Variants in UTP25 observed in about 807,000 individuals in gnomAD.
UTP25 encodes UTP25 small subunit processome component.
Under a neutral mutation model 78.9 loss-of-function variants are expected in UTP25, and 50 were observed. The observed-to-expected ratio is 0.63, with a 90% CI of 0.50 to 0.80. UTP25 has a LOEUF of 0.80. Ranked by LOEUF, UTP25 falls within the 30% of genes least tolerant of loss-of-function variation. The probability of loss-of-function intolerance (pLI) is 0.00; values close to 1 mark genes in which losing one functional copy is unlikely to be tolerated. For synonymous variants in UTP25, 329 were observed against 336.5 expected (o/e 0.98, Z 0.24); for missense variants, 846 against 911.3 (o/e 0.93, Z 0.92).
At chr1:209,828,195 C>G in intron 1 of UTP25, 25 bp downstream of exon 1, 1 of 1,576,826 alleles carries the variant, frequency 6.3e-7, no homozygotes, top group Non-Finnish European at 8.7e-7. Flanking sequence ...GGCAGGGCTC[C>G]CCAGTCGCCA....
intron 2 of UTP25, 131 bp downstream of exon 2, chr1:209,830,278 A>C: frequency 1.2e-6 from 1 of 816,188 alleles, no homozygotes; most frequent in Non-Finnish European, 1.9e-6. Context: ...TGGCAGTATC[A>C]CTTAATTTTA....
At chr1:209,833,885 G>A (rs1193256768) in intron 4 of UTP25, among the ~76,000 whole-genome samples, 1 of 152,096 alleles carries the variant, frequency 6.6e-6, no homozygotes, top group Non-Finnish European at 1.5e-5. Flanking sequence ...TGCCTATGGC[G>A]GGCTTTGATG....
Position 209,854,034 on chromosome 1 carries a change from T to C in UTP25, c.*2587T>C, listed in dbSNP as rs1467075822. On this transcript the variant is annotated 3_prime_UTR_variant, in exon 12 of 12. Transcript: ENST00000491415. ...CAGAGTGGAGTCTCTGCAATGGTTTTATTAAAAGGATGCCTTGAAGATCTG... is the reference window on the plus strand; with the variant it reads ...CAGAGTGGAGTCTCTGCAATGGTTTCATTAAAAGGATGCCTTGAAGATCTG... 2.6e-5 allele frequency: 4 copies of C among 152,208 alleles called. No homozygotes were observed. Among genetic ancestry groups the C allele is most frequent in the Non-Finnish European group, 5.9e-5 (4 of 68,040 alleles). The allele number at this position is 152,208 out of a possible 1,614,324, so 9.4% of individuals were successfully genotyped here. A position where few individuals can be genotyped will look rare whatever the true frequency, so the allele number is the denominator to read the frequency against.
intron 7 of UTP25, among the ~76,000 whole-genome samples, chr1:209,840,047 T>C (rs2078157564): frequency 6.6e-6 from 1 of 152,102 alleles, no homozygotes; most frequent in South Asian, 2.1e-4. Flanking sequence ...GGCATCAGGG[T>C]GACTAAGCTT....
intron 11 of UTP25, 150 bp from the exon 12 acceptor site, chr1:209,851,054 A>T: frequency 1.3e-6 from 1 of 777,584 alleles, no homozygotes; most frequent in Non-Finnish European, 2.0e-6. Flanking sequence ...ACCTCAAGTT[A>T]GAATAACTTT....
chr1:209,851,159 CTTGT>C, intron 11 of UTP25, 41 bp from the exon 12 acceptor site: 4 of 1,576,228 alleles, frequency 2.5e-6, no homozygotes, highest in Non-Finnish European at 3.4e-6. Context: ...TTTTCTAGAA[CTTGT>C]TTCTCAAGTT....
At position 209,842,513 on chromosome 1, in the gene UTP25, G is replaced by C. The variant is rs761496641; in HGVS notation, c.1668+66G>C. On this transcript the variant is annotated intron_variant, in intron 9 of 11. Transcript: ENST00000491415. The stretch of plus-strand genomic sequence containing the variant: ...TGTTTATTGTTTGGGTCCTGAGGTA[G>C]AAGGAGGCGATAGCTTCTGGTCAAG... 4 of 1,611,380 alleles carry C rather than the reference G, an allele frequency of 2.5e-6. No homozygotes were observed. In the Admixed American group the frequency reaches 5.0e-5, roughly 20 times the overall value.
chr1:209,843,650 G>A lies in UTP25; in HGVS notation c.1981G>A (p.Glu661Lys), dbSNP rs773282635. 1 of 1,614,112 alleles carries A rather than the reference G, an allele frequency of 6.2e-7. No homozygotes were observed. The highest frequency in any genetic ancestry group is 2.2e-5 in the East Asian group (1 of 44,884). The stretch of plus-strand genomic sequence containing the variant: ...GGCCAGACACTTCTTCCTTCAAGGA[G>A]AGAAACAGTTTCTACTTTTCACAGA... ...SRARHFFLQGEKQFLLFTERF... is the reference protein window; with the variant it reads ...SRARHFFLQGKKQFLLFTERF... Residue 661 changes from glutamate to lysine, a missense_variant, in exon 11 of 12, where the codon GAG (glutamate) becomes AAG (lysine). By Grantham distance (56) the Glu-to-Lys change is moderately conservative. Transcript: ENST00000491415.
chr1:209,857,068 C>T lies in UTP25; in HGVS notation c.*5621C>T, dbSNP rs976695820. 3.3e-5 allele frequency: 5 copies of T among 152,168 alleles called. No individual in the cohort carries two copies. Among genetic ancestry groups the T allele is most frequent in the Admixed American group, 1.3e-4 (2 of 15,284 alleles). 9.4% of individuals were successfully genotyped at this position (152,168 alleles called of 1,614,324 possible). ...ACAGGTCTTGTGATCTAATCTGCCA[C>T]TTGATCCGTGAATTACCTATAGGTC... is the stretch of plus-strand genomic sequence containing the variant. On this transcript the variant is annotated 3_prime_UTR_variant, in exon 12 of 12. Coordinates refer to ENST00000491415, the MANE Select transcript of UTP25 (RefSeq NM_014388.7).
rs1395305122 is a variant in UTP25 at position 209,851,672 on chromosome 1, TAGA to T, written c.*228_*230del. The stretch of plus-strand genomic sequence containing the variant: ...CATCTTTCAGAAGTGAAGAGGGGGC[TAGA>T]AGGACTCTGAGAAGTTGGTAGAAGA... On this transcript the variant is annotated 3_prime_UTR_variant, in exon 12 of 12. Transcript: ENST00000491415. 1.7e-5 allele frequency: 7 copies of T among 415,930 alleles called. No individual in the cohort carries two copies. Among genetic ancestry groups the T allele is most frequent in the Non-Finnish European group, 2.9e-5 (7 of 243,360 alleles). 25.8% of individuals were successfully genotyped at this position (415,930 alleles called of 1,614,324 possible). A position where few individuals can be genotyped will look rare whatever the true frequency, so the allele number is the denominator to read the frequency against.
At position 209,828,009 on chromosome 1, in the gene UTP25, A is replaced by G. The variant is rs1184062259; in HGVS notation, c.-55A>G. The G allele has an allele frequency of 7.0e-7, 1 of 1,426,542 alleles. No individual in the cohort carries two copies. The highest frequency in any genetic ancestry group is 9.9e-7 in the Non-Finnish European group (1 of 1,009,524). The allele number at this position is 1,426,542 out of a possible 1,614,324, so 88.4% of individuals were successfully genotyped here. A position where few individuals can be genotyped will look rare whatever the true frequency, so the allele number is the denominator to read the frequency against. On this transcript the variant is annotated 5_prime_UTR_variant, in exon 1 of 12. Transcript: ENST00000491415. ...CCCACGTGCTTGTGTTGACTGGACA[A>G]CTTCCTGGTGGAAAACCGCGACTCT...
At chr1:209,834,027 A>G (rs2078118041) in intron 4 of UTP25, among the ~76,000 whole-genome samples, 1 of 152,102 alleles carries the variant, frequency 6.6e-6, no homozygotes, top group Non-Finnish European at 1.5e-5. Context: ...CTTTAATGAA[A>G]CAGAAATTTT....
Position 209,851,419 on chromosome 1 carries a change from T to TC in UTP25, c.2245dup (p.His749ProfsTer23). ...CAGATGCTACAGTCCAACAAGAATG[T>TC]CCACCTCTTCATTACTGGAGAAAAA... is the stretch of plus-strand genomic sequence containing the variant. On this transcript the variant is annotated frameshift_variant, in exon 12 of 12. Coordinates refer to ENST00000491415, the MANE Select transcript of UTP25 (RefSeq NM_014388.7). LOFTEE classifies it high-confidence loss of function. The TC allele has an allele frequency of 6.2e-7, 1 of 1,611,194 alleles. No individual in the cohort carries two copies. The highest frequency in any genetic ancestry group is 8.5e-7 in the Non-Finnish European group (1 of 1,179,098).
At chr1:209,838,862 T>C in intron 6 of UTP25, 47 bp from the exon 7 acceptor site, 2 of 1,596,430 alleles carry the variant, frequency 1.3e-6, no homozygotes, top group Non-Finnish European at 1.7e-6. Context: ...CTCAAGATCC[T>C]GTTCCTTCCT....
rs758054409 is a variant in UTP25, at chr1:209,846,550, G to A, written c.2027+2854G>A. Among the ~76,000 whole-genome samples the A allele has an allele frequency of 9.8e-5, 15 of 152,326 alleles. No homozygotes were observed. In the South Asian group the frequency reaches 1.0e-3, roughly 11 times the overall value. Reference sequence around the variant, plus strand: ...GTAGTAGACTTGGTCTTTATGGACCGTAGGAAGGAGCCAGTCTTTCAAGTT... The same window carrying A: ...GTAGTAGACTTGGTCTTTATGGACCATAGGAAGGAGCCAGTCTTTCAAGTT... On this transcript the variant is annotated intron_variant, in intron 11 of 11. Transcript: ENST00000491415.
intron 3 of UTP25, among the ~76,000 whole-genome samples, chr1:209,832,945 A>G (rs927448695): frequency 2.0e-5 from 3 of 152,172 alleles, no homozygotes; most frequent in Admixed American, 2.0e-4. Flanking sequence ...ATCCAAAATA[A>G]TGTTTGGCCA....
chr1:209,838,858 A>T (rs767401440), intron 6 of UTP25, 51 bp from the exon 7 acceptor site: 18 of 1,592,010 alleles, frequency 1.1e-5, no homozygotes, highest in Non-Finnish European at 1.5e-5. Flanking sequence ...TCACCTCAAG[A>T]TCCTGTTCCT....
chr1:209,842,071 A>G (rs537170484), intron 8 of UTP25, among the ~76,000 whole-genome samples, 194 bp from the exon 9 acceptor site: 23 of 152,316 alleles, frequency 1.5e-4, no homozygotes, highest in African/African-American at 5.5e-4. Flanking sequence ...CAGGAGGGCC[A>G]GTTTTAGCTT....
At chr1:209,833,696 T>G (rs1449324545) in intron 4 of UTP25, among the ~76,000 whole-genome samples, 1 of 152,194 alleles carries the variant, frequency 6.6e-6, no homozygotes, top group Non-Finnish European at 1.5e-5. Context: ...TACCCCTCAC[T>G]TGCTGTTCCT....
Sources: allele counts gnomAD v4.1 joint callset (sites outside exome capture counted in the v4.1 genomes callset), GRCh38; gene constraint gnomAD v4.1.1; transcripts MANE v1.5; gene names NCBI Gene and HGNC (gene_info 2026-07-23, HGNC 2026-07-21).